The following CHD4 variants were observed in gnomAD, a reference collection of about 807,000 sequenced individuals.
The protein encoded by CHD4 is ATP-dependent chromatin remodeler CHD4.
Under a neutral mutation model 235.5 loss-of-function variants are expected in CHD4, and 35 were observed. That is an observed-to-expected ratio of 0.15 (90% CI 0.11 to 0.20). The LOEUF is 0.20. CHD4 is among the 10% of genes least tolerant of loss of function. The pLI is 1.00. For missense variants in CHD4, 1,329 were observed against 2,432.3 expected (o/e 0.55, Z 9.54); for synonymous variants, 900 against 850.2 (o/e 1.06, Z -1.02).
chr12:6,595,441 A>C lies in CHD4; in HGVS notation c.2025-11T>G, dbSNP rs753699412. 4.1e-5 allele frequency: 66 copies of C among 1,611,126 alleles called. 1 individual carries two copies. Among genetic ancestry groups the C allele is most frequent in the South Asian group, 1.5e-4 (14 of 91,010 alleles). On this transcript the variant is annotated splice_polypyrimidine_tract_variant and intron_variant, in intron 13 of 39. Coordinates refer to ENST00000544040, the MANE Select transcript of CHD4 (RefSeq NM_001273.5). ...CCCCTCATTAACTCCCTAAAGAAGA[A>C]AGACATCACACAGCTGCCCAAAATC...
At chr12:6,596,776 G>C (rs1028595187) in intron 12 of CHD4, among the ~76,000 whole-genome samples, 1 of 151,710 alleles carries the variant, frequency 6.6e-6, no homozygotes, top group African/African-American at 2.4e-5. Context: ...CTCCAGCCTG[G>C]GCGACAGAAC....
intron 25 of CHD4, chr12:6,584,229 G>GGTACATATATGTGAGT (rs1489800555): frequency 6.6e-6 from 1 of 151,826 alleles, no homozygotes; most frequent in East Asian, 1.9e-4. Context: ...AAAGTCTTTG[G>GGTACATATATGTGAGT]GTACATATAT....
intron 37 of CHD4, among the ~76,000 whole-genome samples, chr12:6,574,208 G>T (rs186313735): frequency 1.4e-3 from 209 of 152,144 alleles, no homozygotes; most frequent in African/African-American, 4.8e-3. Flanking sequence ...GATGTTTTCT[G>T]TATCTATAAA....
intron 1 of CHD4, chr12:6,606,866 C>T (rs1325495230): frequency 6.5e-6 from 1 of 153,720 alleles, no homozygotes; most frequent in Non-Finnish European, 1.4e-5. Context: ...GACAGGGCAG[C>T]TCTCCAAAGG....
In CHD4 at chr12:6,593,075, C is replaced by A; in HGVS notation, c.2652+16G>T. On this transcript the variant is annotated intron_variant, in intron 17 of 39. Coordinates refer to ENST00000544040, the MANE Select transcript of CHD4 (RefSeq NM_001273.5). This position sits in a 1 kb window ranked among gnomAD's most constrained non-coding sequence, Gnocchi z 4.9. Reference sequence around the variant, plus strand: ...ACCCAAAGTGGGGGCTCCAACATCCCTCCCTCAGCCCTCACCTTAGACTGA... The same window carrying A: ...ACCCAAAGTGGGGGCTCCAACATCCATCCCTCAGCCCTCACCTTAGACTGA... The A allele has an allele frequency of 1.9e-6, 3 of 1,612,588 alleles. No individual in the cohort carries two copies. Among genetic ancestry groups the A allele is most frequent in the Non-Finnish European group, 2.5e-6 (3 of 1,179,366 alleles).
chr12:6,574,826 T>C (rs962995023), intron 37 of CHD4, among the ~76,000 whole-genome samples: 1 of 152,234 alleles, frequency 6.6e-6, no homozygotes, highest in African/African-American at 2.4e-5. Flanking sequence ...TCTCACTCAT[T>C]CTGTACCTCA....
At chr12:6,601,244 A>G in intron 6 of CHD4, 45 bp downstream of exon 6, 1 of 1,600,710 alleles carries the variant, frequency 6.2e-7, no homozygotes, top group Non-Finnish European at 8.5e-7. Context: ...TTGACATCTT[A>G]AGCCCACACT....
rs1565605016 is a variant in CHD4, at chr12:6,581,651, G to A, written c.4679C>T (p.Ala1560Val). The change falls in exon 31 of 40, where the codon GCT becomes GTT. Residue 1560 changes from alanine to valine, a missense_variant and splice_region_variant. Physicochemically the swap from Ala to Val is moderately conservative, Grantham distance 64. Coordinates refer to ENST00000544040, the MANE Select transcript of CHD4 (RefSeq NM_001273.5). Reference sequence around the variant, plus strand: ...AATGATAGGACAGGCAGACTTACCAGCAGGTGGGACAGGTGCAGGAGTGTT... The same window carrying A: ...AATGATAGGACAGGCAGACTTACCAACAGGTGGGACAGGTGCAGGAGTGTT... ...QPNTPAPVPP[A>V]EDGIKIEENS... 5 of 1,613,838 alleles carry A rather than the reference G, an allele frequency of 3.1e-6. No homozygotes were observed. Among genetic ancestry groups the A allele is most frequent in the Non-Finnish European group, 4.2e-6 (5 of 1,179,778 alleles).
chr12:6,598,511 G>T (rs1030970382), intron 10 of CHD4, 86 bp from the exon 11 acceptor site: 2 of 1,148,534 alleles, frequency 1.7e-6, no homozygotes, highest in Non-Finnish European at 1.2e-6. Context: ...ATCAAAGGAC[G>T]ATTCAGATCT....
chr12:6,592,092 G>A, intron 19 of CHD4, 35 bp from the exon 20 acceptor site: 6 of 1,612,742 alleles, frequency 3.7e-6, no homozygotes, highest in Non-Finnish European at 5.1e-6. Context: ...GGTTAGACTT[G>A]AGAGCCTTTC....
intron 1 of CHD4, chr12:6,606,720 G>A (rs932009345): frequency 4.2e-5 from 8 of 188,436 alleles, no homozygotes; most frequent in African/African-American, 1.9e-4. Flanking sequence ...CGAGCGGGGT[G>A]TGACGGGGGA....
At chr12:6,577,723 G>A (rs1202644071) in intron 37 of CHD4, 62 bp downstream of exon 37, 5 of 1,599,876 alleles carry the variant, frequency 3.1e-6, no homozygotes, top group East Asian at 2.2e-5. Flanking sequence ...TCCCTCTGCT[G>A]CAGGACGTTA....
rs1216843102 is a variant in CHD4 at position 6,582,288 on chromosome 12, AAAG to A, written c.4371-10_4371-8del. On this transcript the variant is annotated splice_region_variant and splice_polypyrimidine_tract_variant and intron_variant, in intron 29 of 39. Transcript: ENST00000544040. Reference sequence around the variant, plus strand: ...GAAAAGAGAGACATATGCCCTGTGTAAAGAAGTAGAGAAAGAGTTAAATAGGGA... The same window carrying A: ...GAAAAGAGAGACATATGCCCTGTGTAAAGTAGAGAAAGAGTTAAATAGGGA... 4 of 1,556,758 alleles carry A rather than the reference AAAG, an allele frequency of 2.6e-6. No individual in the cohort carries two copies. Among genetic ancestry groups the A allele is most frequent in the Non-Finnish European group, 3.5e-6 (4 of 1,152,956 alleles).
At chr12:6,585,344 G>A (rs575181292) in intron 25 of CHD4, among the ~76,000 whole-genome samples, 1 of 151,876 alleles carries the variant, frequency 6.6e-6, no homozygotes, top group African/African-American at 2.4e-5. Flanking sequence ...GAGTGCAGTG[G>A]GGCAATCTTG....
chr12:6,596,189 ACTT>A (rs755840043), intron 12 of CHD4, 52 bp from the exon 13 acceptor site: 1 of 1,602,164 alleles, frequency 6.2e-7, no homozygotes, highest in South Asian at 1.1e-5. Flanking sequence ...AACCCTCCTC[ACTT>A]CCTCTCAAAA....
At position 6,578,512 on chromosome 12, in the gene CHD4, C is replaced by T; in HGVS notation, c.5016G>A (p.Val1672=). ...TGGGGGTCTCTCCATTCTGAAGCAT[C>T]ACCTCTTTTTTCTCTTCTTCTTCTT... ...EKKEEEEKKE[V]MLQNGETPKD... The change falls in exon 35 of 40, where the codon GTG becomes GTA. Residue 1672 remains valine (V), a synonymous_variant. Coordinates refer to ENST00000544040, the MANE Select transcript of CHD4 (RefSeq NM_001273.5). 1 of 1,612,452 alleles carries T rather than the reference C, an allele frequency of 6.2e-7. No individual in the cohort carries two copies. The highest frequency in any genetic ancestry group is 1.1e-5 in the South Asian group (1 of 90,764).
intron 25 of CHD4, chr12:6,587,116 A>G: frequency 2.3e-6 from 1 of 442,534 alleles, no homozygotes; most frequent in South Asian, 3.6e-5. Context: ...AGGTTTAATA[A>G]AACACATAGG....
At chr12:6,600,894 A>G (rs773804732) in intron 7 of CHD4, 32 bp downstream of exon 7, 1 of 1,541,904 alleles carries the variant, frequency 6.5e-7, no homozygotes, top group South Asian at 1.3e-5. Flanking sequence ...TAGACATGGC[A>G]CCCTCCCTAA....
intron 9 of CHD4, 25 bp downstream of exon 9, chr12:6,600,192 G>A (rs182935912): frequency 2.6e-4 from 417 of 1,612,100 alleles, no homozygotes; most frequent in Non-Finnish European, 3.3e-4. Flanking sequence ...TGGGTTCCAA[G>A]GGGCCACAAT....
Sources: gnomAD v4.1 joint callset for allele counts (sites outside exome capture counted in the v4.1 genomes callset) on GRCh38, gnomAD v4.1.1 for gene constraint, Gnocchi (gnomAD v3.1) non-coding constraint, MANE v1.5 for transcripts, NCBI Gene and HGNC (gene_info 2026-07-23, HGNC 2026-07-21) for gene names.